RBFOX1: variants seen among roughly 807,000 people sequenced by gnomAD.
The protein encoded by RBFOX1 is RNA binding protein fox-1 homolog 1.
A neutral mutation model predicts 57.7 loss-of-function variants in RBFOX1; 8 were observed. That is an observed-to-expected ratio of 0.14 (90% CI 0.08 to 0.25). The LOEUF (loss-of-function observed/expected upper bound fraction) is 0.25, where lower values mean the gene tolerates loss of function less well. Ranked by LOEUF, RBFOX1 falls within the 10% of genes least tolerant of loss-of-function variation. RBFOX1 has a pLI of 1.00. For synonymous variants in RBFOX1, 326 were observed against 222.4 expected, an observed-to-expected ratio of 1.47 and a Z score of -4.15; for missense variants, 611 against 548.5, an observed-to-expected ratio of 1.11 and a Z score of -1.14.
chr16:6,357,460 TG>T (rs58272460), intron 2 of RBFOX1, among the ~76,000 whole-genome samples: 3,684 of 152,130 alleles, frequency 0.024, 123 homozygotes, highest in African/African-American at 0.078. Context: ...ATTGTTTTCC[TG>T]GGGGTTTCTG....
intron 1 of RBFOX1, among the ~76,000 whole-genome samples, chr16:6,195,184 G>T (rs1035533262): frequency 7.2e-5 from 11 of 152,140 alleles, no homozygotes; most frequent in Non-Finnish European, 1.5e-4. Context: ...TTTATAAAAT[G>T]CCTTCTTACC....
intron 3 of RBFOX1, among the ~76,000 whole-genome samples, chr16:6,763,067 T>TGTAATAC (rs2076852722): frequency 6.6e-6 from 1 of 152,188 alleles, no homozygotes; most frequent in African/African-American, 2.4e-5. Context: ...TCCTACAATA[T>TGTAATAC]ATCAGGACTG....
intron 2 of RBFOX1, among the ~76,000 whole-genome samples, chr16:6,340,970 G>T (rs2084481118): frequency 6.6e-6 from 1 of 152,124 alleles, no homozygotes; most frequent in Non-Finnish European, 1.5e-5. Context: ...AAGGGGAAGG[G>T]GTGGACAGAG....
intron 2 of RBFOX1, among the ~76,000 whole-genome samples, chr16:6,509,590 T>G (rs2096204554): frequency 6.6e-6 from 1 of 152,150 alleles, no homozygotes; most frequent in African/African-American, 2.4e-5. Flanking sequence ...CAAAACATAG[T>G]TAAAAAGAAC....
intron 1 of RBFOX1, among the ~76,000 whole-genome samples, chr16:5,391,890 TACACAC>T (rs746461930): frequency 4.1e-5 from 6 of 147,254 alleles, no homozygotes; most frequent in East Asian, 4.0e-4. Context: ...TGTGTGTGTA[TACACAC>T]ACACACACAC....
chr16:5,254,936 T>G (rs934835289), intron 1 of RBFOX1, among the ~76,000 whole-genome samples: 3 of 152,192 alleles, frequency 2.0e-5, no homozygotes, highest in African/African-American at 7.2e-5. Context: ...GTCCCCACTG[T>G]TGGGGAAGTC....
intron 2 of RBFOX1, among the ~76,000 whole-genome samples, chr16:6,471,579 GAAA>G (rs33941933): frequency 6.9e-4 from 96 of 140,042 alleles, no homozygotes; most frequent in Middle Eastern, 3.8e-3. Flanking sequence ...CTTATAATTG[GAAA>G]AAAAAAAAAA....
upstream of RBFOX1, among the ~76,000 whole-genome samples, chr16:6,018,808 C>T (rs1367284508): frequency 6.6e-6 from 1 of 152,024 alleles, no homozygotes; most frequent in Non-Finnish European, 1.5e-5. Context: ...GTGAGCCCAC[C>T]TGGGGACTAC....
At chr16:5,340,276 G>A (rs2065004521) in intron 1 of RBFOX1, among the ~76,000 whole-genome samples, 1 of 152,178 alleles carries the variant, frequency 6.6e-6, no homozygotes, top group Non-Finnish European at 1.5e-5. Context: ...AAATACTGGG[G>A]AAAGGGGAGG....
chr16:7,565,024 C>G (rs1221119643), intron 5 of RBFOX1, among the ~76,000 whole-genome samples: 1 of 152,154 alleles, frequency 6.6e-6, no homozygotes. Context: ...GTGTGATTAA[C>G]TTATTTGTTT....
intron 4 of RBFOX1, among the ~76,000 whole-genome samples, chr16:5,923,200 C>T (rs187437295): frequency 3.3e-5 from 5 of 152,068 alleles, no homozygotes; most frequent in East Asian, 3.9e-4. Context: ...GTAGTTTAGG[C>T]GAGACTTCCA....
chr16:6,139,721 T>G (rs1452136590), intron 1 of RBFOX1, among the ~76,000 whole-genome samples: 1 of 152,222 alleles, frequency 6.6e-6, no homozygotes, highest in Non-Finnish European at 1.5e-5. Context: ...GCTCTCTTCC[T>G]CACTCTTTCT....
intron 4 of RBFOX1, among the ~76,000 whole-genome samples, chr16:7,071,157 C>A (rs538066134): frequency 6.6e-6 from 1 of 152,128 alleles, no homozygotes; most frequent in Non-Finnish European, 1.5e-5. Context: ...TACCCTGAAG[C>A]TTCCGTTTTG....
chr16:5,960,669 G>T (rs1465643670), intron 4 of RBFOX1, among the ~76,000 whole-genome samples: 2 of 152,232 alleles, frequency 1.3e-5, no homozygotes, highest in South Asian at 2.1e-4. Flanking sequence ...GTTAAGAAGT[G>T]GCCTGGTTTC....
chr16:6,092,074 C>G (rs1003319543), intron 1 of RBFOX1, among the ~76,000 whole-genome samples: 1 of 152,196 alleles, frequency 6.6e-6, no homozygotes, highest in Admixed American at 6.5e-5. Context: ...GAGTACCTAG[C>G]AATCCTTCTG....
intron 1 of RBFOX1, among the ~76,000 whole-genome samples, chr16:5,458,863 T>C (rs1017672257): frequency 2.0e-5 from 3 of 152,206 alleles, no homozygotes; most frequent in African/African-American, 7.2e-5. Context: ...TCTGGGGATA[T>C]AGTAGAGAAC....
At chr16:6,015,280 C>A (rs1478447463), upstream of RBFOX1, among the ~76,000 whole-genome samples, 1 of 152,086 alleles carries the variant, frequency 6.6e-6, no homozygotes, top group Admixed American at 6.5e-5. Context: ...GAGTAATCTA[C>A]AAATCCCTGG....
intron 4 of RBFOX1, among the ~76,000 whole-genome samples, chr16:7,142,913 T>TA (rs1371349812): frequency 5.1e-5 from 1 of 19,648 alleles, no homozygotes; most frequent in African/African-American, 7.9e-5. Flanking sequence ...CTGCAGAGTA[T>TA]TTTTTTTTTT....
At chr16:5,901,237 C>T (rs539059267) in intron 4 of RBFOX1, among the ~76,000 whole-genome samples, 1 of 152,184 alleles carries the variant, frequency 6.6e-6, no homozygotes, top group Admixed American at 6.5e-5. Context: ...TCCTCATCCC[C>T]CGTTCACGCG....
Sources: allele counts gnomAD v4.1 joint callset (sites outside exome capture counted in the v4.1 genomes callset), GRCh38; gene constraint gnomAD v4.1.1; transcripts MANE v1.5; gene names NCBI Gene and HGNC (gene_info 2026-07-23, HGNC 2026-07-21).